RAP1A: variants seen among roughly 807,000 people sequenced by gnomAD.
RAP1A encodes the protein RAP1A, member of RAS oncogene family.
A neutral mutation model predicts 26.4 loss-of-function variants in RAP1A; 6 were observed. That is an observed-to-expected ratio of 0.23 (90% CI 0.12 to 0.45). The LOEUF (loss-of-function observed/expected upper bound fraction) is 0.45, where lower values mean the gene tolerates loss of function less well. Ranked by LOEUF, RAP1A falls within the 20% of genes least tolerant of loss-of-function variation. The pLI is 0.99. For missense variants in RAP1A, 121 were observed against 217.2 expected (o/e 0.56, Z 2.78); for synonymous variants, 73 against 79.4 (o/e 0.92, Z 0.43).
intron 1 of RAP1A, among the ~76,000 whole-genome samples, chr1:111,584,145 G>C (rs1258322262): frequency 6.6e-6 from 1 of 152,138 alleles, no homozygotes; most frequent in East Asian, 1.9e-4. Flanking sequence ...GCCTCTCAAA[G>C]TGTTGGGATT....
intron 1 of RAP1A, among the ~76,000 whole-genome samples, chr1:111,691,028 C>T (rs1173129590): frequency 6.6e-6 from 1 of 152,180 alleles, no homozygotes. Context: ...TTGGGTTTAT[C>T]ATTGTAGTCA....
At chr1:111,652,078 A>G (rs1163540492) in intron 1 of RAP1A, among the ~76,000 whole-genome samples, 1 of 151,840 alleles carries the variant, frequency 6.6e-6, no homozygotes, top group Non-Finnish European at 1.5e-5. Flanking sequence ...GGTTCAAATG[A>G]TTCTCCTGCC....
chr1:111,567,420 C>A (rs1239976786), intron 1 of RAP1A, among the ~76,000 whole-genome samples: 2 of 152,212 alleles, frequency 1.3e-5, no homozygotes, highest in African/African-American at 4.8e-5. Context: ...AAATCCAGTT[C>A]TTGCTAAAAG....
rs983317438 is a variant in RAP1A, at chr1:111,713,078, C to T, written c.*677C>T. The T allele has an allele frequency of 2.0e-5, 3 of 152,466 alleles. No individual in the cohort carries two copies. The highest frequency in any genetic ancestry group is 4.4e-5 in the Non-Finnish European group (3 of 67,964). The allele number at this position is 152,466 out of a possible 1,614,324, so 9.4% of individuals were successfully genotyped here. A position where few individuals can be genotyped will look rare whatever the true frequency, so the allele number is the denominator to read the frequency against. On this transcript the variant is annotated 3_prime_UTR_variant, in exon 8 of 8. Coordinates refer to ENST00000369709, the MANE Select transcript of RAP1A (RefSeq NM_002884.4). ...TGTGTTTTACTGTCAGATTAAATTACAGCTTTTATGGATGATTAAATTTTA... is the reference window on the plus strand; with the variant it reads ...TGTGTTTTACTGTCAGATTAAATTATAGCTTTTATGGATGATTAAATTTTA...
At chr1:111,645,211 G>A (rs1201690028) in intron 1 of RAP1A, among the ~76,000 whole-genome samples, 1 of 152,200 alleles carries the variant, frequency 6.6e-6, no homozygotes, top group African/African-American at 2.4e-5. Flanking sequence ...AGTCAAGTAT[G>A]ACTTATAGGT....
intron 1 of RAP1A, among the ~76,000 whole-genome samples, chr1:111,662,978 A>G (rs1197984625): frequency 6.6e-6 from 1 of 152,134 alleles, no homozygotes. Flanking sequence ...AAGTGGCATG[A>G]TCTTGGCTCA....
At chr1:111,615,424 G>A (rs1229172915), upstream of RAP1A, among the ~76,000 whole-genome samples, 1 of 151,962 alleles carries the variant, frequency 6.6e-6, no homozygotes, top group African/African-American at 2.4e-5. Context: ...CTAGAGAGGT[G>A]GGGGCAGCTG....
At chr1:111,655,266 C>CAAA (rs5777071) in intron 1 of RAP1A, among the ~76,000 whole-genome samples, 30 of 142,192 alleles carry the variant, frequency 2.1e-4, no homozygotes, top group African/African-American at 5.2e-4. Context: ...TGCAATAAAA[C>CAAA]AAAAAAAAAA....
intron 1 of RAP1A, among the ~76,000 whole-genome samples, chr1:111,644,411 C>T (rs1312761965): frequency 2.0e-5 from 3 of 152,070 alleles, no homozygotes; most frequent in East Asian, 1.9e-4. Flanking sequence ...TCAGCTCTAG[C>T]CATTTTGCTT....
chr1:111,685,056 G>A (rs569924110), intron 1 of RAP1A, among the ~76,000 whole-genome samples: 1 of 152,230 alleles, frequency 6.6e-6, no homozygotes, highest in African/African-American at 2.4e-5. Flanking sequence ...TTAATAAATG[G>A]TGTTGGGAAA....
intron 1 of RAP1A, among the ~76,000 whole-genome samples, chr1:111,562,999 C>A (rs562723083): frequency 6.6e-6 from 1 of 152,254 alleles, no homozygotes; most frequent in African/African-American, 2.4e-5. Flanking sequence ...TCACAACAGC[C>A]TTTTATAAAT....
intron 1 of RAP1A, among the ~76,000 whole-genome samples, chr1:111,651,822 CAGG>C (rs1660280979): frequency 6.6e-6 from 1 of 152,058 alleles, no homozygotes. Flanking sequence ...CCATGTTGGC[CAGG>C]ATGGTCTCGA....
intron 1 of RAP1A, among the ~76,000 whole-genome samples, chr1:111,585,197 G>A (rs1215372479): frequency 6.6e-6 from 1 of 152,182 alleles, no homozygotes; most frequent in African/African-American, 2.4e-5. Context: ...CCTAGCTCCA[G>A]GGGAGGACTA....
chr1:111,634,445 A>G (rs139177245), intron 1 of RAP1A, among the ~76,000 whole-genome samples: 131 of 151,386 alleles, frequency 8.7e-4, no homozygotes, highest in African/African-American at 3.1e-3. Context: ...ATCTATTCAT[A>G]TGTAGAATAT....
intron 1 of RAP1A, among the ~76,000 whole-genome samples, chr1:111,552,353 T>TC (rs1392433847): frequency 3.3e-5 from 5 of 152,240 alleles, no homozygotes; most frequent in Non-Finnish European, 7.3e-5. Flanking sequence ...CAAGTTATAA[T>TC]GTCACAAGTC....
At chr1:111,566,996 C>T (rs959414707) in intron 1 of RAP1A, among the ~76,000 whole-genome samples, 1 of 151,724 alleles carries the variant, frequency 6.6e-6, no homozygotes, top group Non-Finnish European at 1.5e-5. Context: ...GCTTCATTAG[C>T]GTCATGGTAT....
chr1:111,565,293 A>T (rs763893812), intron 1 of RAP1A, among the ~76,000 whole-genome samples: 1 of 152,158 alleles, frequency 6.6e-6, no homozygotes, highest in Non-Finnish European at 1.5e-5. Context: ...CCCATAGAAG[A>T]TTGTTGTTTT....
chr1:111,622,112 G>A (rs1418777595), intron 1 of RAP1A, among the ~76,000 whole-genome samples: 2 of 152,178 alleles, frequency 1.3e-5, no homozygotes, highest in South Asian at 2.1e-4. Context: ...ACTGAAAAAG[G>A]TTAGAAGTGA....
At chr1:111,688,808 GTTTTT>G (rs753016302) in intron 1 of RAP1A, among the ~76,000 whole-genome samples, 2 of 124,204 alleles carry the variant, frequency 1.6e-5, no homozygotes, top group African/African-American at 2.8e-5. Context: ...TTTTGTTTTT[GTTTTT>G]TTTTTTTTGT....
Sources: gnomAD v4.1 joint callset for allele counts (sites outside exome capture counted in the v4.1 genomes callset) on GRCh38, gnomAD v4.1.1 for gene constraint, MANE v1.5 for transcripts, NCBI Gene and HGNC (gene_info 2026-07-23, HGNC 2026-07-21) for gene names.